Variants in NFE2 observed in about 807,000 individuals in gnomAD.
The protein encoded by NFE2 is nuclear factor, erythroid 2.
In NFE2, 13 loss-of-function variants were observed where a neutral mutation model predicts 25.8. The ratio of observed to expected loss-of-function variants is 0.50; its 90% CI spans 0.33 to 0.80. The LOEUF is 0.80. Ranked by LOEUF, NFE2 falls within the 30% of genes least tolerant of loss-of-function variation. The pLI is 0.02. For synonymous variants in NFE2, 204 were observed against 200.2 expected, an observed-to-expected ratio of 1.02 and a Z score of -0.16; for missense variants, 382 against 478.9, an observed-to-expected ratio of 0.80 and a Z score of 1.89.
At chr12:54,296,978 A>G (rs1164134696) in intron 1 of NFE2, among the ~76,000 whole-genome samples, 4 of 152,028 alleles carry the variant, frequency 2.6e-5, no homozygotes, top group African/African-American at 4.8e-5. Context: ...AGAGATTCCA[A>G]GTAGATTTGG....
At chr12:54,297,480 A>G (rs1025042944) in intron 1 of NFE2, among the ~76,000 whole-genome samples, 2 of 150,904 alleles carry the variant, frequency 1.3e-5, no homozygotes, top group African/African-American at 2.4e-5. Flanking sequence ...CCTGGCCAAC[A>G]TGGTGAAACC....
At chr12:54,294,911 A>T (rs1944356330) in intron 2 of NFE2, among the ~76,000 whole-genome samples, 1 of 151,992 alleles carries the variant, frequency 6.6e-6, no homozygotes, top group Non-Finnish European at 1.5e-5. Flanking sequence ...GAGAGAGCCT[A>T]CACTCCCAAT....
In NFE2 at chr12:54,292,597, C is replaced by T. The variant is rs763252287; in HGVS notation, c.899G>A (p.Arg300Gln). Residue 300 changes from arginine (R) to glutamine (Q), a missense_variant, in exon 3 of 3, where the codon CGG (arginine) becomes CAG (glutamine). Arg to Gln is a conservative substitution (Grantham distance 43). Coordinates refer to ENST00000435572, the MANE Select transcript of NFE2 (RefSeq NM_001136023.3). ...AAGCCGCTCCCGTTCATTGGTCAGCCGCTCCAGCTCCCGCTCCAGCTGCAC... is the reference window on the plus strand; with the variant it reads ...AAGCCGCTCCCGTTCATTGGTCAGCTGCTCCAGCTCCCGCTCCAGCTGCAC... ...TIVQLERELE[R>Q]LTNERERLLR... The T allele has an allele frequency of 2.5e-6, 4 of 1,614,034 alleles. No individual in the cohort carries two copies. Among genetic ancestry groups the T allele is most frequent in the African/African-American group, 2.7e-5 (2 of 74,920 alleles).
rs141251053 is a variant in NFE2, at chr12:54,292,402, C to A, written c.1094G>T (p.Arg365Leu). 6.2e-7 allele frequency: 1 copy of A among 1,614,032 alleles called. No individual in the cohort carries two copies. Among genetic ancestry groups the A allele is most frequent in the South Asian group, 1.1e-5 (1 of 91,086 alleles). ...AADGTIFLVP[R>L]GTKMEATD ...GTCTGTGGCCTCCATCTTGGTCCCC[C>A]GGGGCACAAGGAAGATGGTCCCATC... The change falls in exon 3 of 3, where the codon CGG (arginine) becomes CTG (leucine). Residue 365 changes from arginine (R) to leucine (L), a missense_variant. Arg to Leu is a moderately radical substitution (Grantham distance 102). Coordinates refer to ENST00000435572, the MANE Select transcript of NFE2 (RefSeq NM_001136023.3).
intron 1 of NFE2, among the ~76,000 whole-genome samples, chr12:54,299,202 G>A (rs982375815): frequency 2.0e-5 from 3 of 152,250 alleles, no homozygotes; most frequent in African/African-American, 4.8e-5. Flanking sequence ...TTCCCTAGAC[G>A]CTCAAGGATG....
chr12:54,292,775 T>G lies in NFE2; in HGVS notation c.721A>C (p.Lys241Gln), dbSNP rs1356751954. 1 of 1,614,222 alleles carries G rather than the reference T, an allele frequency of 6.2e-7. No individual in the cohort carries two copies. Among genetic ancestry groups the G allele is most frequent in the South Asian group, 1.1e-5 (1 of 91,084 alleles). The change falls in exon 3 of 3, where the codon AAG (lysine) becomes CAG (glutamine). Residue 241 changes from lysine to glutamine, a missense_variant. By Grantham distance (53) the Lys-to-Gln change is moderately conservative. Transcript: ENST00000435572. The stretch of plus-strand genomic sequence containing the variant: ...TCATCTACCGGCAAGTTGACAATCT[T>G]GTCCGTAGGAAAAGGAATCTTCATG... ...LAMKIPFPTD[K>Q]IVNLPVDDFN...
chr12:54,292,751 C>T lies in NFE2; in HGVS notation c.745G>A (p.Asp249Asn). The change falls in exon 3 of 3, where the codon GAC becomes AAC. Residue 249 changes from aspartate (D) to asparagine (N), a missense_variant. Asp to Asn is a conservative substitution (Grantham distance 23). Coordinates refer to ENST00000435572, the MANE Select transcript of NFE2 (RefSeq NM_001136023.3). ...TDKIVNLPVD[D>N]FNELLARYPL... The stretch of plus-strand genomic sequence containing the variant: ...TACCTTGCCAATAGCTCATTAAAGT[C>T]ATCTACCGGCAAGTTGACAATCTTG... 1 of 1,614,248 alleles carries T rather than the reference C, an allele frequency of 6.2e-7. No individual in the cohort carries two copies. Among genetic ancestry groups the T allele is most frequent in the Non-Finnish European group, 8.5e-7 (1 of 1,180,048 alleles).
chr12:54,292,682 G>T lies in NFE2; in HGVS notation c.814C>A (p.Arg272=). 6.2e-7 allele frequency: 1 copy of T among 1,614,160 alleles called. No individual in the cohort carries two copies. The change falls in exon 3 of 3, where the codon CGA becomes AGA. Residue 272 remains arginine, a synonymous_variant. Coordinates refer to ENST00000435572, the MANE Select transcript of NFE2 (RefSeq NM_001136023.3). Reference sequence around the variant, plus strand: ...GCTGCCACCTTGTTTTTGCCCCGTCGTCGGATGTCCCGGACTAGCGCTAGC... The same window carrying T: ...GCTGCCACCTTGTTTTTGCCCCGTCTTCGGATGTCCCGGACTAGCGCTAGC... ...SQLALVRDIR[R]RGKNKVAAQN...
At chr12:54,299,155 C>T (rs1233190176) in intron 1 of NFE2, among the ~76,000 whole-genome samples, 1 of 151,902 alleles carries the variant, frequency 6.6e-6, no homozygotes, top group East Asian at 1.9e-4. Flanking sequence ...GGTGCAGTAG[C>T]AAGTTTGTAC....
intron 1 of NFE2, chr12:54,297,806 C>T (rs1452358228): frequency 6.6e-6 from 1 of 151,862 alleles, no homozygotes; most frequent in Non-Finnish European, 1.5e-5. Flanking sequence ...GGAATCTTCT[C>T]TTCGACTTAC....
At chr12:54,299,276 C>G (rs552169125) in intron 1 of NFE2, among the ~76,000 whole-genome samples, 1 of 152,272 alleles carries the variant, frequency 6.6e-6, no homozygotes, top group Non-Finnish European at 1.5e-5. Flanking sequence ...TTTCAGAGGA[C>G]AGCAGAGCTG....
chr12:54,292,779 C>G lies in NFE2; in HGVS notation c.717G>C (p.Thr239=). Residue 239 remains threonine (T), a synonymous_variant, in exon 3 of 3, where the codon ACG becomes ACC. Transcript: ENST00000435572. ...RALAMKIPFP[T]DKIVNLPVDD... is the part of the protein sequence containing the mutation. ...CTACCGGCAAGTTGACAATCTTGTC[C>G]GTAGGAAAAGGAATCTTCATGGCCA... is the stretch of plus-strand genomic sequence containing the variant. 1 of 1,614,150 alleles carries G rather than the reference C, an allele frequency of 6.2e-7. No individual in the cohort carries two copies. Among genetic ancestry groups the G allele is most frequent in the Non-Finnish European group, 8.5e-7 (1 of 1,180,038 alleles).
chr12:54,295,657 GTT>G, intron 1 of NFE2: 1 of 180,218 alleles, frequency 5.5e-6, no homozygotes, highest in Non-Finnish European at 1.2e-5. Flanking sequence ...GCTGTGTTTT[GTT>G]TTCCATTTTC....
chr12:54,292,756 A>T lies in NFE2; in HGVS notation c.740T>A (p.Val247Glu). Reference protein sequence around the residue: ...FPTDKIVNLPVDDFNELLARY... With the variant: ...FPTDKIVNLPEDDFNELLARY... The stretch of plus-strand genomic sequence containing the variant: ...TGCCAATAGCTCATTAAAGTCATCT[A>T]CCGGCAAGTTGACAATCTTGTCCGT... Residue 247 changes from valine to glutamate, a missense_variant, in exon 3 of 3, where the codon GTA becomes GAA. Val to Glu is a moderately radical substitution (Grantham distance 121, BLOSUM62 -2). Transcript: ENST00000435572. 6.2e-7 allele frequency: 1 copy of T among 1,614,140 alleles called. No individual in the cohort carries two copies. The highest frequency in any genetic ancestry group is 8.5e-7 in the Non-Finnish European group (1 of 1,180,032).
chr12:54,294,237 C>CAAA (rs1425826902), intron 2 of NFE2, among the ~76,000 whole-genome samples: 3 of 79,518 alleles, frequency 3.8e-5, no homozygotes, highest in African/African-American at 1.3e-4. Context: ...GACACCGTCT[C>CAAA]AAAAAAAAAA....
In NFE2 at chr12:54,292,770, A is replaced by C; in HGVS notation, c.726T>G (p.Ile242Met). ...TAAAGTCATCTACCGGCAAGTTGAC[A>C]ATCTTGTCCGTAGGAAAAGGAATCT... is the stretch of plus-strand genomic sequence containing the variant. ...AMKIPFPTDK[I>M]VNLPVDDFNE... The change falls in exon 3 of 3, where the codon ATT becomes ATG. Residue 242 changes from isoleucine to methionine, a missense_variant. Coordinates refer to ENST00000435572, the MANE Select transcript of NFE2 (RefSeq NM_001136023.3). 6.2e-7 allele frequency: 1 copy of C among 1,614,220 alleles called. No individual in the cohort carries two copies.
chr12:54,297,667 GAAAAAAA>G (rs1158479197), intron 1 of NFE2: 238 of 40,662 alleles, frequency 5.9e-3, no homozygotes, highest in South Asian at 0.054. Context: ...CTCTGTTTCG[GAAAAAAA>G]AAAAAAAAAA....
At chr12:54,299,419 G>T (rs150303836) in intron 1 of NFE2, among the ~76,000 whole-genome samples, 1 of 152,158 alleles carries the variant, frequency 6.6e-6, no homozygotes, top group Non-Finnish European at 1.5e-5. Flanking sequence ...ACAATAAGAA[G>T]CTCCCACTTT....
intron 1 of NFE2, among the ~76,000 whole-genome samples, chr12:54,297,356 CAA>C (rs35611028): frequency 0.36 from 17,647 of 48,646 alleles, 1,221 homozygotes; most frequent in African/African-American, 0.46. Context: ...GACCCTGTCT[CAA>C]AAAAAAAAAA....
Sources: allele counts gnomAD v4.1 joint callset (sites outside exome capture counted in the v4.1 genomes callset), GRCh38; gene constraint gnomAD v4.1.1; transcripts MANE v1.5; gene names NCBI Gene and HGNC (gene_info 2026-07-23, HGNC 2026-07-21).